Variants in EFHB observed in about 807,000 individuals in gnomAD.
The protein encoded by EFHB is EF-hand domain-containing family member B.
In EFHB, 91 loss-of-function variants were observed where a neutral mutation model predicts 87.2. The ratio of observed to expected loss-of-function variants is 1.04; its 90% CI spans 0.88 to 1.24. The LOEUF (loss-of-function observed/expected upper bound fraction) is 1.24, where lower values mean the gene tolerates loss of function less well. Ranked by LOEUF, EFHB falls within the 50% of genes most tolerant of loss-of-function variation. The pLI, the probability that EFHB is intolerant of heterozygous loss-of-function variation, is 0.00. For synonymous variants in EFHB, 325 were observed against 333.6 expected (o/e 0.97, Z 0.28); for missense variants, 1,084 against 998.8 (o/e 1.09, Z -1.15).
intron 6 of EFHB, 47 bp from the exon 7 acceptor site, chr3:19,899,562 C>A: frequency 7.0e-7 from 1 of 1,434,326 alleles, no homozygotes; most frequent in Non-Finnish European, 9.5e-7. Context: ...CTAAAGTATT[C>A]TTGGCTGCCA....
rs1055469716 is a variant in EFHB at position 19,888,765 on chromosome 3, G to A, written c.1726-114C>T. On this transcript the variant is annotated intron_variant, in intron 9 of 12. Transcript: ENST00000295824. ...AGCTTCATCACATAAATTCAAATTTGTCTCAATTTTCACAGAAGAGGAGTC... is the reference window on the plus strand; with the variant it reads ...AGCTTCATCACATAAATTCAAATTTATCTCAATTTTCACAGAAGAGGAGTC... The A allele has an allele frequency of 9.8e-6, 9 of 916,626 alleles. No homozygotes were observed. The Admixed American group carries it at 1.1e-4, about 11-fold the overall frequency. 56.8% of individuals were successfully genotyped at this position (916,626 alleles called of 1,614,324 possible).
At chr3:19,891,790 C>T (rs1366507529) in intron 9 of EFHB, among the ~76,000 whole-genome samples, 1 of 152,134 alleles carries the variant, frequency 6.6e-6, no homozygotes. Context: ...CCTGAACCAT[C>T]CAGATTGCCA....
intron 5 of EFHB, 149 bp from the exon 6 acceptor site, chr3:19,905,898 C>G: frequency 1.0e-6 from 1 of 956,006 alleles, no homozygotes; most frequent in Non-Finnish European, 1.5e-6. Context: ...GATTTAGCTA[C>G]AGATGACAGA....
In EFHB at chr3:19,933,283, T is replaced by C. The variant is rs1201722195; in HGVS notation, c.736A>G (p.Ile246Val). 1.2e-6 allele frequency: 2 copies of C among 1,613,938 alleles called. No homozygotes were observed. The highest frequency in any genetic ancestry group is 1.7e-6 in the Non-Finnish European group (2 of 1,179,900). The change falls in exon 1 of 13, where the codon ATC becomes GTC. Residue 246 changes from isoleucine to valine, a missense_variant. By Grantham distance (29) the Ile-to-Val change is conservative (BLOSUM62 3). Coordinates refer to ENST00000295824, the MANE Select transcript of EFHB (RefSeq NM_144715.4). ...IESGVEPPDR[I>V]RPIYSGKFFD... is the part of the protein sequence containing the mutation. ...AACTTCCCAGAGTATATGGGTCTGATGCGATCTGGAGGTTCCACTCCTGAT... is the reference window on the plus strand; with the variant it reads ...AACTTCCCAGAGTATATGGGTCTGACGCGATCTGGAGGTTCCACTCCTGAT...
Position 19,920,584 on chromosome 3 carries a change from T to G in EFHB, c.790-17A>C, listed in dbSNP as rs1437601120. 6.3e-7 allele frequency: 1 copy of G among 1,586,360 alleles called. No individual in the cohort carries two copies. Among genetic ancestry groups the G allele is most frequent in the Non-Finnish European group, 8.6e-7 (1 of 1,169,044 alleles). ...TTTTCCTGCCTTTGGGGGAAAAAAATGGGTTGATCATTGCCAGGGTGGAAG... is the reference window on the plus strand; with the variant it reads ...TTTTCCTGCCTTTGGGGGAAAAAAAGGGGTTGATCATTGCCAGGGTGGAAG... On this transcript the variant is annotated splice_polypyrimidine_tract_variant and intron_variant, in intron 1 of 12. Coordinates refer to ENST00000295824, the MANE Select transcript of EFHB (RefSeq NM_144715.4).
rs1392495448 is a variant in EFHB, at chr3:19,916,551, AAATG to A, written c.1178-1142_1178-1139del. 2.0e-5 allele frequency among the ~76,000 whole-genome samples: 3 copies of A among 152,074 alleles called. No homozygotes were observed. In the East Asian group the frequency reaches 5.8e-4, roughly 29 times the overall value. ...TAATTCATTAATTAATTAATTTAAA[AAATG>A]AATCTGTATCCTCAATGTAGCCAGA... is the stretch of plus-strand genomic sequence containing the variant. On this transcript the variant is annotated intron_variant, in intron 4 of 12. Coordinates refer to ENST00000295824, the MANE Select transcript of EFHB (RefSeq NM_144715.4).
At chr3:19,924,242 C>T (rs1485555385) in intron 1 of EFHB, among the ~76,000 whole-genome samples, 3 of 145,512 alleles carry the variant, frequency 2.1e-5, no homozygotes, top group African/African-American at 5.1e-5. Context: ...GAGACAGAGT[C>T]GTCCTCTGTT....
chr3:19,888,019 T>A (rs530137366), intron 10 of EFHB, among the ~76,000 whole-genome samples: 45 of 152,290 alleles, frequency 3.0e-4, no homozygotes, highest in African/African-American at 1.0e-3. Context: ...GATTAAAAAG[T>A]GAATCTCATT....
chr3:19,920,512 A>G lies in EFHB; in HGVS notation c.845T>C (p.Leu282Pro). The change falls in exon 2 of 13, where the codon CTT becomes CCT. Residue 282 changes from leucine to proline, a missense_variant. By Grantham distance (98) the Leu-to-Pro change is moderately conservative. Transcript: ENST00000295824. ...TATATTGAAAGTGCTCACCCTGGGA[A>G]GTTTTTCAGTCAAGCAGGTTGCAAC... ...YRVATCLTEK[L>P]PRLITPPEAK... 1 of 1,602,874 alleles carries G rather than the reference A, an allele frequency of 6.2e-7. No individual in the cohort carries two copies. Among genetic ancestry groups the G allele is most frequent in the Non-Finnish European group, 8.5e-7 (1 of 1,176,230 alleles).
At chr3:19,923,907 T>A (rs1038547346) in intron 1 of EFHB, among the ~76,000 whole-genome samples, 1 of 152,166 alleles carries the variant, frequency 6.6e-6, no homozygotes, top group African/African-American at 2.4e-5. Context: ...ATAATCTAAA[T>A]AAAATTTCTA....
At chr3:19,913,678 C>G (rs6792678) in intron 5 of EFHB, among the ~76,000 whole-genome samples, 103,622 of 152,060 alleles carry the variant, frequency 0.68, 36,106 homozygotes, top group African/African-American at 0.8. Context: ...ATCCTTCACA[C>G]AAATATTTTA....
intron 1 of EFHB, among the ~76,000 whole-genome samples, chr3:19,944,445 C>G (rs1438503231): frequency 6.6e-6 from 1 of 152,302 alleles, no homozygotes; most frequent in South Asian, 2.1e-4. Flanking sequence ...ACATTTGACA[C>G]TAAAATATAT....
intron 9 of EFHB, among the ~76,000 whole-genome samples, chr3:19,895,763 C>G (rs1282428758): frequency 2.6e-5 from 4 of 152,232 alleles, no homozygotes; most frequent in African/African-American, 9.6e-5. Flanking sequence ...CAATTATTTC[C>G]TTTGTCAAGA....
At chr3:19,892,855 CTAAAATAAAATAAAA>C (rs202053738) in intron 9 of EFHB, among the ~76,000 whole-genome samples, 5 of 136,968 alleles carry the variant, frequency 3.7e-5, no homozygotes, top group Middle Eastern at 3.6e-3. Flanking sequence ...AATCTCATCT[CTAAAATAAAATAAAA>C]TAAAATAAAA....
chr3:19,945,825 G>A (rs1316178430), intron 1 of EFHB: 1 of 152,144 alleles, frequency 6.6e-6, no homozygotes, highest in East Asian at 1.9e-4. Context: ...CATCTTAATT[G>A]CACAATGCCG....
At chr3:19,896,197 A>T (rs1338456465) in intron 9 of EFHB, among the ~76,000 whole-genome samples, 2 of 152,150 alleles carry the variant, frequency 1.3e-5, no homozygotes, top group Non-Finnish European at 2.9e-5. Flanking sequence ...ACTGCAGTTT[A>T]ATAATCCATA....
intron 9 of EFHB, among the ~76,000 whole-genome samples, chr3:19,890,853 T>C (rs1194166382): frequency 6.6e-6 from 1 of 152,160 alleles, no homozygotes; most frequent in Admixed American, 6.5e-5. Context: ...TGAGCTCTTC[T>C]GGAAACTGAA....
intron 1 of EFHB, among the ~76,000 whole-genome samples, chr3:19,944,029 T>C (rs1403685549): frequency 6.6e-6 from 1 of 152,232 alleles, no homozygotes; most frequent in African/African-American, 2.4e-5. Context: ...GCCTGAATGA[T>C]GCCCTCCAAA....
chr3:19,938,374 A>C (rs1449121838), upstream of EFHB, among the ~76,000 whole-genome samples: 2 of 152,228 alleles, frequency 1.3e-5, no homozygotes, highest in Non-Finnish European at 2.9e-5. Context: ...ATTGAACTCT[A>C]GTAAATGGCA....
Sources: allele counts gnomAD v4.1 joint callset (sites outside exome capture counted in the v4.1 genomes callset), GRCh38; gene constraint gnomAD v4.1.1; transcripts MANE v1.5; gene names NCBI Gene and HGNC (gene_info 2026-07-23, HGNC 2026-07-21).